GPC6: variants seen among roughly 807,000 people sequenced by gnomAD.
GPC6 encodes the protein glypican-6.
GPC6 carries 14 observed loss-of-function variants against 55.2 expected under a neutral mutation model. That is an observed-to-expected ratio of 0.25 (90% CI 0.17 to 0.40). The LOEUF is 0.40. Ranked by LOEUF, GPC6 falls within the 10% of genes least tolerant of loss-of-function variation. The probability of loss-of-function intolerance (pLI) is 1.00; values close to 1 mark genes in which losing one functional copy is unlikely to be tolerated. For synonymous variants in GPC6, 278 were observed against 259.6 expected (o/e 1.07, Z -0.68); for missense variants, 641 against 708.5 (o/e 0.90, Z 1.08).
intron 4 of GPC6, among the ~76,000 whole-genome samples, chr13:94,111,287 T>C (rs968903751): frequency 1.3e-5 from 2 of 151,838 alleles, no homozygotes; most frequent in African/African-American, 4.8e-5. Flanking sequence ...GTTCCTCTGT[T>C]TCTGAAATGT....
intron 2 of GPC6, among the ~76,000 whole-genome samples, chr13:93,794,125 C>A (rs1417777399): frequency 2.0e-5 from 3 of 152,182 alleles, no homozygotes. Flanking sequence ...TCTCTCACCT[C>A]CTTTCCACAT....
chr13:93,249,971 A>G (rs1385113925), intron 1 of GPC6, among the ~76,000 whole-genome samples: 1 of 152,126 alleles, frequency 6.6e-6, no homozygotes, highest in Non-Finnish European at 1.5e-5. Flanking sequence ...AAAACATTTT[A>G]GTCTGATCTA....
chr13:93,222,482 C>T (rs1490204461), upstream of GPC6, among the ~76,000 whole-genome samples: 1 of 152,160 alleles, frequency 6.6e-6, no homozygotes, highest in Non-Finnish European at 1.5e-5. Flanking sequence ...ACTTCACACA[C>T]GATTCCATGT....
At chr13:94,355,396 C>T (rs1307092030) in intron 6 of GPC6, among the ~76,000 whole-genome samples, 4 of 152,138 alleles carry the variant, frequency 2.6e-5, no homozygotes, top group Admixed American at 2.0e-4. Context: ...TTCTTCCCAA[C>T]CAAGGCCAAG....
intron 2 of GPC6, among the ~76,000 whole-genome samples, chr13:93,769,328 G>A (rs929884987): frequency 3.3e-5 from 5 of 151,772 alleles, no homozygotes; most frequent in African/African-American, 1.2e-4. Context: ...AACAAAATGT[G>A]CAATGCTTTC....
At chr13:93,600,355 C>T (rs1877954738) in intron 2 of GPC6, among the ~76,000 whole-genome samples, 1 of 152,122 alleles carries the variant, frequency 6.6e-6, no homozygotes, top group South Asian at 2.1e-4. Flanking sequence ...AGTAAATTCA[C>T]CACAGGTCAA....
At chr13:93,249,985 G>A (rs946530678) in intron 1 of GPC6, among the ~76,000 whole-genome samples, 1 of 152,146 alleles carries the variant, frequency 6.6e-6, no homozygotes, top group Non-Finnish European at 1.5e-5. Flanking sequence ...TGATCTAGTT[G>A]AAAATGTAGT....
intron 4 of GPC6, among the ~76,000 whole-genome samples, chr13:94,247,933 C>T (rs959326046): frequency 6.6e-6 from 1 of 151,980 alleles, no homozygotes; most frequent in Non-Finnish European, 1.5e-5. Flanking sequence ...AACTTCTGGG[C>T]TCAAGCAGTC....
At chr13:94,340,374 A>G (rs978035599) in intron 6 of GPC6, among the ~76,000 whole-genome samples, 4 of 152,242 alleles carry the variant, frequency 2.6e-5, no homozygotes, top group African/African-American at 9.6e-5. Context: ...AGAATTAGAA[A>G]TTAAAAAATA....
At chr13:94,170,669 G>T (rs927995653) in intron 4 of GPC6, among the ~76,000 whole-genome samples, 2 of 152,200 alleles carry the variant, frequency 1.3e-5, no homozygotes, top group African/African-American at 4.8e-5. Context: ...TTTCAAATTT[G>T]AAACTCATGG....
At position 93,231,440 on chromosome 13, in the gene GPC6, T is replaced by G. The variant is rs1237844916; in HGVS notation, c.160+3824T>G. Among the ~76,000 whole-genome samples the G allele has an allele frequency of 1.3e-4, 18 of 138,406 alleles. 1 individual carries two copies. Among genetic ancestry groups the G allele is most frequent in the Admixed American group, 1.2e-3 (16 of 13,792 alleles). 90.8% of individuals were successfully genotyped at this position (138,406 alleles called of 152,430 possible). A position where few individuals can be genotyped will look rare whatever the true frequency, so the allele number is the denominator to read the frequency against. On this transcript the variant is annotated intron_variant, in intron 1 of 8. Transcript: ENST00000377047. ...ATATATATACGTATATATATATATA[T>G]AGTCTGGTATTATTAATCACTATAT...
At chr13:93,264,075 C>T (rs1285811655) in intron 1 of GPC6, among the ~76,000 whole-genome samples, 1 of 152,092 alleles carries the variant, frequency 6.6e-6, no homozygotes, top group Non-Finnish European at 1.5e-5. Flanking sequence ...TCTTCTGCTA[C>T]TGGGGCCCTT....
chr13:93,912,547 T>A (rs911529478), intron 3 of GPC6, among the ~76,000 whole-genome samples: 10 of 151,922 alleles, frequency 6.6e-5, no homozygotes, highest in Non-Finnish European at 1.2e-4. Flanking sequence ...ATCGAGACCA[T>A]CCTGGCTAAC....
At chr13:93,898,656 C>T (rs1363399801) in intron 3 of GPC6, among the ~76,000 whole-genome samples, 2 of 151,828 alleles carry the variant, frequency 1.3e-5, no homozygotes, top group South Asian at 4.2e-4. Context: ...GTTGTTAAGG[C>T]AGTTAAATCT....
chr13:93,735,536 A>G (rs1373624295), intron 2 of GPC6, among the ~76,000 whole-genome samples: 3 of 142,870 alleles, frequency 2.1e-5, no homozygotes, highest in Non-Finnish European at 3.1e-5. Flanking sequence ...AAAAAAAAAG[A>G]AGAAGAAGAT....
chr13:93,369,926 G>A (rs1881391501), intron 1 of GPC6, among the ~76,000 whole-genome samples: 1 of 152,044 alleles, frequency 6.6e-6, no homozygotes, highest in African/African-American at 2.4e-5. Context: ...TAACTGACAA[G>A]TGATTATGTA....
chr13:94,216,714 T>C (rs981814857), intron 4 of GPC6, among the ~76,000 whole-genome samples: 6 of 152,310 alleles, frequency 3.9e-5, no homozygotes, highest in Admixed American at 1.3e-4. Context: ...ACCCTAGGAC[T>C]CCACTTTAAA....
chr13:94,286,422 C>T lies in GPC6; in HGVS notation c.951C>T (p.Val317=). Residue 317 remains valine (V), a synonymous_variant, in exon 5 of 9, where the codon GTC becomes GTT. Coordinates refer to ENST00000377047, the MANE Select transcript of GPC6 (RefSeq NM_005708.5). Reference sequence around the variant, plus strand: ...AGTCGGTCATGGACCCGATAGATGTCAAGATTTCTGAAGCCATTATGAACA... The same window carrying T: ...AGTCGGTCATGGACCCGATAGATGTTAAGATTTCTGAAGCCATTATGAACA... ...NIESVMDPID[V]KISEAIMNMQ... 1 of 1,613,660 alleles carries T rather than the reference C, an allele frequency of 6.2e-7. No individual in the cohort carries two copies. The highest frequency in any genetic ancestry group is 8.5e-7 in the Non-Finnish European group (1 of 1,179,730).
At chr13:94,097,672 C>A (rs1885717532) in intron 4 of GPC6, among the ~76,000 whole-genome samples, 2 of 152,082 alleles carry the variant, frequency 1.3e-5, no homozygotes, top group Admixed American at 1.3e-4. Flanking sequence ...TTTTATCTTA[C>A]GTGTTTTTGT....
Sources: gnomAD v4.1 joint callset for allele counts (sites outside exome capture counted in the v4.1 genomes callset) on GRCh38, gnomAD v4.1.1 for gene constraint, MANE v1.5 for transcripts, NCBI Gene and HGNC (gene_info 2026-07-23, HGNC 2026-07-21) for gene names.